Variants in TJP2 observed in about 807,000 individuals in gnomAD.
TJP2 encodes Friedreich ataxia region gene X104 (tight junction protein ZO-2).
A neutral mutation model predicts 133.1 loss-of-function variants in TJP2; 91 were observed. The observed-to-expected ratio is 0.68, with a 90% CI of 0.58 to 0.81. TJP2 has a LOEUF of 0.81. TJP2 is among the 40% of genes least tolerant of loss of function. TJP2 has a pLI of 0.00. For synonymous variants in TJP2, 592 were observed against 583.4 expected (o/e 1.01, Z -0.21); for missense variants, 1,541 against 1,565.6 (o/e 0.98, Z 0.26).
chr9:69,246,356 G>GT (rs1830925229), intron 17 of TJP2: 5 of 369,028 alleles, frequency 1.4e-5, no homozygotes, highest in Non-Finnish European at 2.1e-5. Flanking sequence ...GCCTCCCAGA[G>GT]TGCTGAGATT....
At chr9:69,129,022 A>G (rs1332858351) in intron 1 of TJP2, among the ~76,000 whole-genome samples, 1 of 152,200 alleles carries the variant, frequency 6.6e-6, no homozygotes, top group Admixed American at 6.5e-5. Context: ...GTAATACCTG[A>G]TGTTCCTAAA....
intron 1 of TJP2, among the ~76,000 whole-genome samples, chr9:69,204,466 C>T (rs1827240111): frequency 6.6e-6 from 1 of 152,158 alleles, no homozygotes; most frequent in Non-Finnish European, 1.5e-5. Context: ...CTTCTCCACC[C>T]CTCCCTTCTC....
intron 17 of TJP2, among the ~76,000 whole-genome samples, chr9:69,245,698 G>A (rs1032547346): frequency 6.6e-6 from 1 of 152,188 alleles, no homozygotes; most frequent in Admixed American, 6.5e-5. Flanking sequence ...TCATCTATAA[G>A]ATGGGCATCA....
rs969931070 is a variant in TJP2 at position 69,246,776 on chromosome 9, G to A, written c.2653G>A (p.Val885Ile). 1.7e-5 allele frequency: 27 copies of A among 1,613,982 alleles called. No homozygotes were observed. The highest frequency in any genetic ancestry group is 2.3e-5 in the Non-Finnish European group (27 of 1,179,994). The part of the protein sequence containing the change: ...IQHQQGEAVW[V>I]SEGKMEGMDD... ...GCATCAGCAAGGAGAAGCGGTTTGG[G>A]TCTCTGAAGGAAAGGTATGTGGCAT... is the stretch of plus-strand genomic sequence containing the variant. Residue 885 changes from valine (V) to isoleucine (I), a missense_variant, in exon 18 of 23, where the codon GTC (valine) becomes ATC (isoleucine). By Grantham distance (29) the Val-to-Ile change is conservative. Coordinates refer to ENST00000377245, the MANE Select transcript of TJP2 (RefSeq NM_004817.4).
intron 22 of TJP2, chr9:69,253,696 C>CGCGA (rs1831507139): frequency 5.2e-6 from 1 of 192,090 alleles, no homozygotes; most frequent in African/African-American, 2.4e-5. Context: ...CCGCCCGCCT[C>CGCGA]GGCCTCCCAA....
chr9:69,189,708 CT>C (rs1826086826), intron 1 of TJP2, among the ~76,000 whole-genome samples: 1 of 57,750 alleles, frequency 1.7e-5, no homozygotes, highest in South Asian at 6.8e-4. Flanking sequence ...ATTTTTGGTT[CT>C]AACTCAGTTG....
chr9:69,182,325 A>G (rs1269439976), intron 1 of TJP2, among the ~76,000 whole-genome samples: 1 of 152,174 alleles, frequency 6.6e-6, no homozygotes. Context: ...CCAGAAATGG[A>G]GCTGGAAACA....
At chr9:69,146,312 A>G (rs1823208562) in intron 1 of TJP2, among the ~76,000 whole-genome samples, 1 of 152,200 alleles carries the variant, frequency 6.6e-6, no homozygotes, top group Non-Finnish European at 1.5e-5. Flanking sequence ...AAGGTTGAGA[A>G]GTTCTTTATG....
In TJP2 at chr9:69,205,068, A is replaced by G. The variant is rs999510403; in HGVS notation, c.61-7480A>G. On this transcript the variant is annotated intron_variant, in intron 1 of 22. Transcript: ENST00000377245. Reference sequence around the variant, plus strand: ...GGATTTGCTGGAAATGTGGGCCACTATTGTATCCGCCTTACGTAACCACAT... The same window carrying G: ...GGATTTGCTGGAAATGTGGGCCACTGTTGTATCCGCCTTACGTAACCACAT... The G allele has an allele frequency of 9.3e-6, 14 of 1,498,510 alleles. No individual in the cohort carries two copies. In the African/African-American group the frequency reaches 1.2e-4, roughly 13 times the overall value. The allele number at this position is 1,498,510 out of a possible 1,614,324, so 92.8% of individuals were successfully genotyped here. A position where few individuals can be genotyped will look rare whatever the true frequency, so the allele number is the denominator to read the frequency against.
intron 2 of TJP2, among the ~76,000 whole-genome samples, chr9:69,167,580 C>A (rs981787335): frequency 1.3e-5 from 2 of 152,176 alleles, no homozygotes; most frequent in Non-Finnish European, 2.9e-5. Context: ...GTCTACCTGG[C>A]CTGGTGTGGT....
At chr9:69,185,969 C>T (rs560816449) in intron 1 of TJP2, among the ~76,000 whole-genome samples, 31 of 151,378 alleles carry the variant, frequency 2.0e-4, no homozygotes, top group East Asian at 1.4e-3. Flanking sequence ...GGGGTTTCAC[C>T]GTGTTAGCCA....
Position 69,249,481 on chromosome 9 carries a change from C to T in TJP2, c.2987C>T (p.Pro996Leu), listed in dbSNP as rs727504634. 3.1e-6 allele frequency: 5 copies of T among 1,603,406 alleles called. No individual in the cohort carries two copies. The East Asian group carries it at 9.0e-5, about 29-fold the overall frequency. Reference sequence around the variant, plus strand: ...CCCCCAGCATTCAAGCCAGAGCCGCCCAAGGTACGTGGCTGGGAAGCCCAG... The same window carrying T: ...CCCCCAGCATTCAAGCCAGAGCCGCTCAAGGTACGTGGCTGGGAAGCCCAG... ...SPPPAFKPEP[P>L]KAKTQNKEES... Residue 996 changes from proline to leucine, a missense_variant, in exon 20 of 23, where the codon CCC becomes CTC. Transcript: ENST00000377245.
intron 1 of TJP2, chr9:69,145,640 T>C: frequency 1.0e-6 from 1 of 977,572 alleles, no homozygotes; most frequent in South Asian, 5.3e-5. Context: ...CATTAAAGAT[T>C]AGTTCAGTTG....
intron 1 of TJP2, among the ~76,000 whole-genome samples, chr9:69,209,637 C>T (rs1286276686): frequency 1.3e-5 from 2 of 151,226 alleles, no homozygotes; most frequent in African/African-American, 4.9e-5. Context: ...GCCTGTAATC[C>T]CAACTACTCG....
chr9:69,225,985 T>C, intron 6 of TJP2, 37 bp from the exon 7 acceptor site: 2 of 1,609,520 alleles, frequency 1.2e-6, no homozygotes, highest in South Asian at 1.1e-5. Context: ...GTGAATAATT[T>C]TATTGCATTT....
At chr9:69,197,737 T>C (rs1372798977) in intron 1 of TJP2, among the ~76,000 whole-genome samples, 2 of 152,206 alleles carry the variant, frequency 1.3e-5, no homozygotes, top group African/African-American at 4.8e-5. Context: ...ATTTTGCAGA[T>C]AGGCAACCAA....
upstream of TJP2, among the ~76,000 whole-genome samples, chr9:69,172,713 AT>A (rs573096699): frequency 2.2e-4 from 33 of 151,634 alleles, no homozygotes; most frequent in African/African-American, 4.8e-4. Context: ...GAAATATTTT[AT>A]TTTTTTTTCC....
In TJP2 at chr9:69,254,704, T is replaced by G. The variant is rs1831581200; in HGVS notation, c.*330T>G. 1 of 567,078 alleles carries G rather than the reference T, an allele frequency of 1.8e-6. No individual in the cohort carries two copies. Among genetic ancestry groups the G allele is most frequent in the East Asian group, 2.8e-5 (1 of 35,738 alleles). The allele number at this position is 567,078 out of a possible 1,614,324, so 35.1% of individuals were successfully genotyped here. The stretch of plus-strand genomic sequence containing the variant: ...TATGTATATTAAGAAGCAATAACTA[T>G]TTTTCCTCATTAATAGCTGCCTTCA... On this transcript the variant is annotated 3_prime_UTR_variant, in exon 23 of 23. Transcript: ENST00000377245.
chr9:69,221,041 G>C lies in TJP2; in HGVS notation c.497G>C (p.Gly166Ala). The C allele has an allele frequency of 6.2e-7, 1 of 1,607,166 alleles. No individual in the cohort carries two copies. The highest frequency in any genetic ancestry group is 8.5e-7 in the Non-Finnish European group (1 of 1,177,514). ...SERSRLNSHG[G>A]RSRSWEDSPE... ...AGGAGCCGGCTGAACAGCCATGGGG[G>C]GCGCAGCCGCAGCTGGGAGGACAGC... Residue 166 changes from glycine to alanine, a missense_variant, in exon 5 of 23, where the codon GGG (glycine) becomes GCG (alanine). Coordinates refer to ENST00000377245, the MANE Select transcript of TJP2 (RefSeq NM_004817.4).
Sources: gnomAD v4.1 joint callset for allele counts (sites outside exome capture counted in the v4.1 genomes callset) on GRCh38, gnomAD v4.1.1 for gene constraint, MANE v1.5 for transcripts, NCBI Gene and HGNC (gene_info 2026-07-23, HGNC 2026-07-21) for gene names.